COPG2: variants seen among roughly 807,000 people sequenced by gnomAD.
The protein encoded by COPG2 is coat protein complex I subunit gamma 2.
COPG2 carries 37 observed loss-of-function variants against 46.3 expected under a neutral mutation model. The ratio of observed to expected loss-of-function variants is 0.80; its 90% CI spans 0.61 to 1.05. COPG2 has a LOEUF of 1.05. COPG2 is among the 50% of genes least tolerant of loss of function. COPG2 has a pLI of 0.00. For missense variants in COPG2, 427 were observed against 387.8 expected, an observed-to-expected ratio of 1.10 and a Z score of -0.85; for synonymous variants, 159 against 129.7, an observed-to-expected ratio of 1.23 and a Z score of -1.53.
At chr7:130,532,628 A>G (rs1176015043) in intron 20 of COPG2, among the ~76,000 whole-genome samples, 1 of 152,084 alleles carries the variant, frequency 6.6e-6, no homozygotes, top group Non-Finnish European at 1.5e-5. Context: ...GACAGGAAGA[A>G]GGCAGGGGAT....
At chr7:130,667,625 A>G in intron 1 of COPG2, 91 bp from the exon 2 acceptor site, 4 of 970,252 alleles carry the variant, frequency 4.1e-6, no homozygotes, top group Non-Finnish European at 6.4e-6. Flanking sequence ...ATGCTTGGGA[A>G]GTGAACACTT....
chr7:130,616,975 A>T lies in COPG2; in HGVS notation c.399+15T>A, dbSNP rs1554452950. 3 of 1,576,148 alleles carry T rather than the reference A, an allele frequency of 1.9e-6. No individual in the cohort carries two copies. Among genetic ancestry groups the T allele is most frequent in the South Asian group, 2.2e-5 (2 of 89,286 alleles). ...TAGTGTTCCATTTGGTAACTCAGTG[A>T]AACAGATAACTTACATCGGTGATCC... On this transcript the variant is annotated intron_variant, in intron 6 of 23. Coordinates refer to ENST00000425248, the MANE Select transcript of COPG2 (RefSeq NM_012133.6).
At chr7:130,646,600 G>C (rs1175715551) in intron 5 of COPG2, among the ~76,000 whole-genome samples, 2 of 151,954 alleles carry the variant, frequency 1.3e-5, no homozygotes, top group Non-Finnish European at 2.9e-5. Flanking sequence ...ATTCTGATAT[G>C]GTTTGGCTCT....
At chr7:130,624,254 A>G (rs1380592309) in intron 5 of COPG2, among the ~76,000 whole-genome samples, 1 of 152,192 alleles carries the variant, frequency 6.6e-6, no homozygotes, top group African/African-American at 2.4e-5. Flanking sequence ...GGGGGGACAC[A>G]AACATTCAGA....
intron 20 of COPG2, among the ~76,000 whole-genome samples, chr7:130,517,556 A>G (rs1051975337): frequency 1.3e-5 from 2 of 152,226 alleles, no homozygotes; most frequent in African/African-American, 4.8e-5. Flanking sequence ...AGGTACTGCT[A>G]GCAACCTTTA....
At chr7:130,558,707 A>G (rs958182493) in intron 12 of COPG2, among the ~76,000 whole-genome samples, 37 of 152,204 alleles carry the variant, frequency 2.4e-4, no homozygotes, top group Admixed American at 2.4e-3. Context: ...TTTTTTGTAG[A>G]GACAGGGTCT....
chr7:130,544,470 T>C (rs1204380686), intron 20 of COPG2, among the ~76,000 whole-genome samples: 1 of 152,172 alleles, frequency 6.6e-6, no homozygotes, highest in Non-Finnish European at 1.5e-5. Context: ...GTATGAATAT[T>C]TTCTATTAAA....
chr7:130,647,292 C>T (rs1554458449), intron 5 of COPG2, among the ~76,000 whole-genome samples: 1 of 152,156 alleles, frequency 6.6e-6, no homozygotes, highest in Non-Finnish European at 1.5e-5. Context: ...CCACCTCAGC[C>T]ACCCATAGTG....
At chr7:130,539,067 G>T (rs1364276574) in intron 20 of COPG2, among the ~76,000 whole-genome samples, 1 of 152,264 alleles carries the variant, frequency 6.6e-6, no homozygotes, top group East Asian at 1.9e-4. Context: ...AGGAAAGGCA[G>T]AACAGGATGG....
At chr7:130,648,120 G>C (rs1419984563) in intron 5 of COPG2, among the ~76,000 whole-genome samples, 2 of 152,100 alleles carry the variant, frequency 1.3e-5, no homozygotes, top group Non-Finnish European at 2.9e-5. Context: ...ATTCTTTTGT[G>C]AAGTATGTGC....
At chr7:130,547,958 T>C (rs1309409841) in intron 19 of COPG2, 113 bp from the exon 20 acceptor site, 1 of 397,546 alleles carries the variant, frequency 2.5e-6, no homozygotes, top group Non-Finnish European at 4.4e-6. Context: ...CAGAGCAGGG[T>C]AGGTCTCCTC....
At chr7:130,660,168 G>T (rs1314959249) in intron 4 of COPG2, among the ~76,000 whole-genome samples, 1 of 152,070 alleles carries the variant, frequency 6.6e-6, no homozygotes, top group African/African-American at 2.4e-5. Context: ...TTTTGCCTAA[G>T]GAATCATTAA....
chr7:130,589,929 G>A (rs36196571), intron 9 of COPG2, among the ~76,000 whole-genome samples: 54,264 of 152,032 alleles, frequency 0.36, 11,312 homozygotes, highest in African/African-American at 0.57. Context: ...AGTAGCAAAT[G>A]TATGTGTAGC....
intron 9 of COPG2, among the ~76,000 whole-genome samples, chr7:130,583,241 G>A (rs1190592289): frequency 2.3e-3 from 347 of 149,076 alleles, no homozygotes; most frequent in African/African-American, 3.6e-3. Context: ...GTAAACTATC[G>A]CAAGAACAAA....
chr7:130,621,552 T>C (rs1795038331), intron 5 of COPG2, among the ~76,000 whole-genome samples: 1 of 152,182 alleles, frequency 6.6e-6, no homozygotes, highest in Non-Finnish European at 1.5e-5. Flanking sequence ...CTCACGCCTG[T>C]AATCCCAGCA....
intron 20 of COPG2, among the ~76,000 whole-genome samples, chr7:130,514,595 AG>A (rs1799662847): frequency 6.6e-6 from 1 of 152,222 alleles, no homozygotes; most frequent in Non-Finnish European, 1.5e-5. Flanking sequence ...AGCTAAAAGA[AG>A]GGAGGCTGAA....
At chr7:130,629,325 G>A (rs10272206) in intron 5 of COPG2, among the ~76,000 whole-genome samples, 1 of 151,336 alleles carries the variant, frequency 6.6e-6, no homozygotes, top group Non-Finnish European at 1.5e-5. Context: ...ATTAATTTTG[G>A]GGAAAAAAAT....
intron 20 of COPG2, among the ~76,000 whole-genome samples, chr7:130,533,991 G>GT (rs1253448436): frequency 1.4e-5 from 2 of 141,674 alleles, no homozygotes; most frequent in African/African-American, 2.5e-5. Flanking sequence ...TGGGGTGGGG[G>GT]GGGTGGAGCA....
At chr7:130,658,191 T>C (rs1554460149) in intron 4 of COPG2, among the ~76,000 whole-genome samples, 3 of 152,136 alleles carry the variant, frequency 2.0e-5, no homozygotes. Flanking sequence ...ATCCATTCAA[T>C]GGAATACGAC....
Sources: allele counts gnomAD v4.1 joint callset (sites outside exome capture counted in the v4.1 genomes callset), GRCh38; gene constraint gnomAD v4.1.1; transcripts MANE v1.5; gene names NCBI Gene and HGNC (gene_info 2026-07-23, HGNC 2026-07-21).